The following LINGO2 variants were observed in gnomAD, a reference collection of about 807,000 sequenced individuals.
LINGO2 encodes leucine rich repeat and Ig domain containing 2.
Under a neutral mutation model 30.6 loss-of-function variants are expected in LINGO2, and 14 were observed. That is an observed-to-expected ratio of 0.46 (90% confidence interval 0.30 to 0.72). The LOEUF (loss-of-function observed/expected upper bound fraction) is 0.72, where lower values mean the gene tolerates loss of function less well. Ranked by LOEUF, LINGO2 falls within the 30% of genes least tolerant of loss-of-function variation. The pLI is 0.07. For synonymous variants in LINGO2, 317 were observed against 288.5 expected, an observed-to-expected ratio of 1.10 and a Z score of -1.00; for missense variants, 729 against 751.7, an observed-to-expected ratio of 0.97 and a Z score of 0.35.
chr9:29,206,156 T>C, the LINGO2 span, among the ~76,000 whole-genome samples: 7 of 152,366 alleles, frequency 4.6e-5, no homozygotes, highest in African/African-American at 1.4e-4. Context: ...ACAGATACCA[T>C]TTCTTTAAAA....
the LINGO2 span, among the ~76,000 whole-genome samples, chr9:29,105,552 T>G: frequency 6.6e-6 from 1 of 152,148 alleles, no homozygotes; most frequent in Non-Finnish European, 1.5e-5. Flanking sequence ...TACACAGACT[T>G]TGTCTAATTT....
intron 1 of LINGO2, among the ~76,000 whole-genome samples, chr9:28,509,746 G>C (rs1010928030): frequency 6.6e-6 from 1 of 152,144 alleles, no homozygotes; most frequent in Non-Finnish European, 1.5e-5. Context: ...CAACCTGATG[G>C]CACTCTAATC....
At chr9:28,626,440 T>G (rs1310432499) in intron 1 of LINGO2, among the ~76,000 whole-genome samples, 1 of 152,144 alleles carries the variant, frequency 6.6e-6, no homozygotes, top group Admixed American at 6.6e-5. Flanking sequence ...CTTCATGATT[T>G]GTGCTTTGAA....
Position 28,329,831 on chromosome 9 carries a change from T to C in LINGO2, c.-245-34465A>G, listed in dbSNP as rs569813267. Among the ~76,000 whole-genome samples the C allele has an allele frequency of 4.6e-5, 7 of 152,326 alleles. No homozygotes were observed. The South Asian group carries it at 1.4e-3, about 32-fold the overall frequency. On this transcript the variant is annotated intron_variant, in intron 3 of 5. Coordinates refer to ENST00000379992, the Ensembl canonical transcript of LINGO2. This position sits in a 1 kb window ranked among gnomAD's most constrained non-coding sequence, Gnocchi z 4.5. ...CTGGGGTTTTATATCACCTTGTGCA[T>C]ATCTCTATGAAAGCACCTCACCTGT...
At chr9:28,308,827 A>G (rs1415608204) in intron 3 of LINGO2, among the ~76,000 whole-genome samples, 1 of 152,164 alleles carries the variant, frequency 6.6e-6, no homozygotes, top group African/African-American at 2.4e-5. Flanking sequence ...AAACACATGA[A>G]AAAATGCTCA....
chr9:28,061,853 C>T (rs1587794144), intron 4 of LINGO2, among the ~76,000 whole-genome samples: 1 of 152,224 alleles, frequency 6.6e-6, no homozygotes, highest in Admixed American at 6.6e-5. Context: ...CCAGTTTTCA[C>T]ATCTGTAAAA....
the LINGO2 span, among the ~76,000 whole-genome samples, chr9:29,015,755 T>A: frequency 6.6e-6 from 1 of 152,186 alleles, no homozygotes; most frequent in Non-Finnish European, 1.5e-5. Context: ...AAGGGAGATG[T>A]CAGCCTATGC....
rs558692759 is a variant in LINGO2, at chr9:27,963,064, T to G, written c.-35-12358A>C. On this transcript the variant is annotated intron_variant, in intron 5 of 5. Transcript: ENST00000379992. ...TGAAAGACTAAAAATAGCATAAATGTGTGCTCACTTATACCTGGCCCAAAT... is the reference window on the plus strand; with the variant it reads ...TGAAAGACTAAAAATAGCATAAATGGGTGCTCACTTATACCTGGCCCAAAT... 2.6e-5 allele frequency among the ~76,000 whole-genome samples: 4 copies of G among 152,278 alleles called. No homozygotes were observed. In the South Asian group the frequency reaches 8.3e-4, roughly 32 times the overall value.
the LINGO2 span, among the ~76,000 whole-genome samples, chr9:29,211,822 C>G: frequency 1.3e-4 from 20 of 152,156 alleles, no homozygotes; most frequent in African/African-American, 4.6e-4. Context: ...CACCTCGGAG[C>G]AGCCTGGCCC....
chr9:28,104,266 G>T (rs10968344), intron 4 of LINGO2, among the ~76,000 whole-genome samples: 20,860 of 97,168 alleles, frequency 0.21, 2,798 homozygotes, highest in East Asian at 0.38. Context: ...TTTTTTGTTT[G>T]TTTTTTTTTT....
the LINGO2 span, among the ~76,000 whole-genome samples, chr9:28,840,535 C>G: frequency 6.6e-6 from 1 of 151,872 alleles, no homozygotes; most frequent in Non-Finnish European, 1.5e-5. Context: ...CCAATCCATT[C>G]TTTTATTCAG....
chr9:28,917,671 A>G, the LINGO2 span, among the ~76,000 whole-genome samples: 1 of 152,092 alleles, frequency 6.6e-6, no homozygotes, highest in African/African-American at 2.4e-5. Flanking sequence ...TGGATATAGA[A>G]AGAAGCAGTG....
intron 3 of LINGO2, among the ~76,000 whole-genome samples, chr9:28,301,756 A>C (rs1044100795): frequency 2.0e-5 from 3 of 152,206 alleles, no homozygotes; most frequent in Non-Finnish European, 4.4e-5. Flanking sequence ...CAAGAAGATC[A>C]TCCCTAAAAT....
chr9:28,536,588 G>A (rs538011104), intron 1 of LINGO2, among the ~76,000 whole-genome samples: 57 of 152,132 alleles, frequency 3.7e-4, no homozygotes, highest in African/African-American at 1.2e-3. Flanking sequence ...TGCATGGGTC[G>A]CTGAATAATT....
At chr9:29,171,978 CAAATA>C in the LINGO2 span, among the ~76,000 whole-genome samples, 12 of 151,842 alleles carry the variant, frequency 7.9e-5, no homozygotes, top group African/African-American at 2.7e-4. Context: ...ATTTTCCTTT[CAAATA>C]AAAGTTGTTA....
the LINGO2 span, among the ~76,000 whole-genome samples, chr9:28,865,761 G>T: frequency 6.6e-6 from 1 of 152,120 alleles, no homozygotes; most frequent in Non-Finnish European, 1.5e-5. Context: ...TCCAGCCTGG[G>T]TGACAGGGAG....
At chr9:28,884,976 ATATAATATATAATAATATAT>A in the LINGO2 span, among the ~76,000 whole-genome samples, 8,480 of 23,532 alleles carry the variant, frequency 0.36, 1,728 homozygotes, top group Admixed American at 0.46. Flanking sequence ...TATATAATAT[ATATAATATATAATAATATAT>A]TATATATATA....
chr9:29,067,539 C>T, the LINGO2 span, among the ~76,000 whole-genome samples: 1 of 151,400 alleles, frequency 6.6e-6, no homozygotes, highest in African/African-American at 2.4e-5. Context: ...CAAGTTTTGA[C>T]AAAAACACGG....
chr9:28,718,124 G>T, the LINGO2 span, among the ~76,000 whole-genome samples: 1 of 151,566 alleles, frequency 6.6e-6, no homozygotes, highest in Admixed American at 6.6e-5. Flanking sequence ...ATTAAGAAAA[G>T]CTTCATGGGG....
Sources: gnomAD v4.1 joint callset for allele counts (sites outside exome capture counted in the v4.1 genomes callset) on GRCh38, gnomAD v4.1.1 for gene constraint, Gnocchi (gnomAD v3.1) non-coding constraint, MANE v1.5 for transcripts, NCBI Gene and HGNC (gene_info 2026-07-23, HGNC 2026-07-21) for gene names.